Variants in MGAT4C observed in about 807,000 individuals in gnomAD.
The protein encoded by MGAT4C is MGAT4 family member C, also known as alpha-1,3-mannosyl-glycoprotein 4-beta-N-acetylglucosaminyltransferase C.
MGAT4C carries 19 observed loss-of-function variants against 40.1 expected under a neutral mutation model. That is an observed-to-expected ratio of 0.47 (90% CI 0.33 to 0.70). The LOEUF (loss-of-function observed/expected upper bound fraction) is 0.70. Ranked by LOEUF, MGAT4C falls within the 30% of genes least tolerant of loss-of-function variation. The pLI, the probability that MGAT4C is intolerant of heterozygous loss-of-function variation, is 0.02. For synonymous variants in MGAT4C, 181 were observed against 187.1 expected, an observed-to-expected ratio of 0.97 and a Z score of 0.27; for missense variants, 491 against 563.2, an observed-to-expected ratio of 0.87 and a Z score of 1.30.
chr12:86,374,871 G>C (rs534864010), intron 3 of MGAT4C, among the ~76,000 whole-genome samples: 21 of 152,096 alleles, frequency 1.4e-4, no homozygotes, highest in Non-Finnish European at 2.6e-4. Flanking sequence ...GGCCTGCTTT[G>C]CTGGTGTAGT....
Position 86,702,662 on chromosome 12 carries a change from C to T in MGAT4C, c.-229+24547G>A, listed in dbSNP as rs142069661. On this transcript the variant is annotated intron_variant, in intron 2 of 7. Coordinates refer to the MGAT4C transcript ENST00000548651. Reference sequence around the variant, plus strand: ...GAATATTTAAAGTCCACCATTGAGACCTACTGCTCAGAAAAAGAGATTCCT... The same window carrying T: ...GAATATTTAAAGTCCACCATTGAGATCTACTGCTCAGAAAAAGAGATTCCT... Among the ~76,000 whole-genome samples the T allele has an allele frequency of 8.7e-4, 132 of 152,234 alleles. 2 individuals are homozygous for T. The highest frequency in any genetic ancestry group is 3.1e-3 in the African/African-American group (127 of 41,546).
intron 2 of MGAT4C, among the ~76,000 whole-genome samples, chr12:86,589,465 A>C (rs1381688824): frequency 6.6e-6 from 1 of 152,040 alleles, no homozygotes; most frequent in Non-Finnish European, 1.5e-5. Context: ...GCCGAATTCT[A>C]CCAGAGGTAC....
chr12:86,549,909 G>A (rs1247115080), intron 2 of MGAT4C, among the ~76,000 whole-genome samples: 1 of 152,146 alleles, frequency 6.6e-6, no homozygotes, highest in African/African-American at 2.4e-5. Context: ...AAGAGAAGCA[G>A]ACTGATAGGA....
intron 2 of MGAT4C, among the ~76,000 whole-genome samples, chr12:86,489,263 C>T (rs986440681): frequency 3.9e-5 from 6 of 152,132 alleles, no homozygotes; most frequent in African/African-American, 9.7e-5. Context: ...ACTTACACTT[C>T]GTGTCCCCTT....
At chr12:86,387,253 A>G (rs1350804352) in intron 3 of MGAT4C, among the ~76,000 whole-genome samples, 1 of 152,126 alleles carries the variant, frequency 6.6e-6, no homozygotes, top group Non-Finnish European at 1.5e-5. Flanking sequence ...CTAATCTCTC[A>G]GAGACAATGA....
rs1353507772 is a variant in MGAT4C at position 85,975,128 on chromosome 12, A to G, written c.*4161T>C. ...TAGGGGCAATTTTGATATTTTTGAT[A>G]AGGTTTCTAGAGTAATAAATTAGAA... is the stretch of plus-strand genomic sequence containing the variant. On this transcript the variant is annotated 3_prime_UTR_variant, in exon 5 of 5. Coordinates refer to ENST00000611864, the MANE Select transcript of MGAT4C (RefSeq NM_001351288.2). 6.6e-6 allele frequency: 1 copy of G among 150,910 alleles called. No individual in the cohort carries two copies. The highest frequency in any genetic ancestry group is 2.4e-5 in the African/African-American group (1 of 41,318). The allele number at this position is 150,910 out of a possible 1,614,324, so 9.3% of individuals were successfully genotyped here.
chr12:86,299,406 T>C (rs942063545), intron 4 of MGAT4C, among the ~76,000 whole-genome samples: 2 of 152,204 alleles, frequency 1.3e-5, no homozygotes, highest in African/African-American at 2.4e-5. Context: ...CGTGAGCCAC[T>C]GTGCCTGGCC....
Position 85,977,788 on chromosome 12 carries a change from A to T in MGAT4C, c.*1501T>A, listed in dbSNP as rs1428622041. On this transcript the variant is annotated 3_prime_UTR_variant, in exon 5 of 5. Transcript: ENST00000611864. ...CAGCAAAAGTCTAGCCTTCACACAC[A>T]CACACACACACACACACACACACAC... 4 of 29,038 alleles carry T rather than the reference A, an allele frequency of 1.4e-4. No homozygotes were observed. The highest frequency in any genetic ancestry group is 1.9e-3 in the South Asian group (1 of 514). 1.8% of individuals were successfully genotyped at this position (29,038 alleles called of 1,614,324 possible).
chr12:86,722,963 A>G (rs1216986127), intron 2 of MGAT4C, among the ~76,000 whole-genome samples: 1 of 152,196 alleles, frequency 6.6e-6, no homozygotes, highest in African/African-American at 2.4e-5. Context: ...TGTTAAACCC[A>G]GGTGTCGTCC....
At chr12:86,134,685 T>C (rs1881704283) in intron 1 of MGAT4C, among the ~76,000 whole-genome samples, 1 of 152,158 alleles carries the variant, frequency 6.6e-6, no homozygotes, top group African/African-American at 2.4e-5. Flanking sequence ...GTGTTATAGA[T>C]ATTAATGGTT....
intron 2 of MGAT4C, among the ~76,000 whole-genome samples, chr12:86,026,732 A>G (rs1046840413): frequency 6.6e-6 from 1 of 151,814 alleles, no homozygotes; most frequent in Non-Finnish European, 1.5e-5. Context: ...TTCAGTGTTT[A>G]TTTTCTGCAT....
At chr12:86,296,371 G>GAGCTGCCTGCCAGTCCCGTGCC (rs71076181) in intron 4 of MGAT4C, among the ~76,000 whole-genome samples, 97,750 of 151,024 alleles carry the variant, frequency 0.65, 32,535 homozygotes, top group South Asian at 0.77. Context: ...GCTGCAGGTG[G>GAGCTGCCTGCCAGTCCCGTGCC]AGCTGCCTGC....
In MGAT4C at chr12:86,707,025, G is replaced by A. The variant is rs572460398; in HGVS notation, c.-229+20184C>T. 2.0e-5 allele frequency among the ~76,000 whole-genome samples: 3 copies of A among 152,278 alleles called. No homozygotes were observed. The South Asian group carries it at 6.2e-4, about 32-fold the overall frequency. On this transcript the variant is annotated intron_variant, in intron 2 of 7. Transcript: ENST00000548651. Reference sequence around the variant, plus strand: ...TGTAAGATGTGACTTGCTCCTCCTTGCCTTCTGCCATGATGGTGGGGCTTC... The same window carrying A: ...TGTAAGATGTGACTTGCTCCTCCTTACCTTCTGCCATGATGGTGGGGCTTC...
At chr12:86,477,638 C>G (rs2136309731) in intron 2 of MGAT4C, among the ~76,000 whole-genome samples, 1 of 152,122 alleles carries the variant, frequency 6.6e-6, no homozygotes, top group Non-Finnish European at 1.5e-5. Context: ...GGTACATGTG[C>G]ACAACGTGCA....
intron 1 of MGAT4C, among the ~76,000 whole-genome samples, chr12:86,246,174 C>T (rs1952015837): frequency 1.4e-5 from 2 of 142,478 alleles, no homozygotes; most frequent in Non-Finnish European, 1.5e-5. Flanking sequence ...CCTAGTGTAC[C>T]ATTGCTTTTT....
At chr12:86,416,358 C>T (rs1410092391) in intron 3 of MGAT4C, among the ~76,000 whole-genome samples, 1 of 151,842 alleles carries the variant, frequency 6.6e-6, no homozygotes, top group African/African-American at 2.4e-5. Context: ...ATGAATCAGG[C>T]TTATATTAAA....
intron 2 of MGAT4C, among the ~76,000 whole-genome samples, chr12:85,994,919 T>C (rs1466528731): frequency 1.3e-5 from 2 of 152,034 alleles, no homozygotes. Context: ...TGAATAAATA[T>C]AAATTAATGA....
At chr12:86,567,721 A>G (rs1169247574) in intron 2 of MGAT4C, among the ~76,000 whole-genome samples, 2 of 152,230 alleles carry the variant, frequency 1.3e-5, no homozygotes, top group Non-Finnish European at 2.9e-5. Context: ...GAAGGTGGTC[A>G]TCAATACCAG....
intron 4 of MGAT4C, among the ~76,000 whole-genome samples, chr12:86,275,944 C>CAAAAAAAAAAAAA (rs748476574): frequency 1.2e-4 from 8 of 69,186 alleles, no homozygotes; most frequent in Admixed American, 2.0e-4. Context: ...ACTAAAAATC[C>CAAAAAAAAAAAAA]AAAAAAAAAA....
Sources: gnomAD v4.1 joint callset for allele counts (sites outside exome capture counted in the v4.1 genomes callset) on GRCh38, gnomAD v4.1.1 for gene constraint, MANE v1.5 for transcripts, NCBI Gene and HGNC (gene_info 2026-07-23, HGNC 2026-07-21) for gene names.